ZFHX3: variants seen among roughly 807,000 people sequenced by gnomAD.
ZFHX3 encodes the protein zinc finger homeobox 3.
A neutral mutation model predicts 279.1 loss-of-function variants in ZFHX3; 42 were observed. The observed-to-expected ratio is 0.15, with a 90% CI of 0.12 to 0.19. The LOEUF (loss-of-function observed/expected upper bound fraction) is 0.19, where lower values mean the gene tolerates loss of function less well. ZFHX3 is among the 10% of genes least tolerant of loss of function. ZFHX3 has a pLI of 1.00. For synonymous variants in ZFHX3, 2,293 were observed against 1,957.8 expected (o/e 1.17, Z -4.52); for missense variants, 4,981 against 4,754.0 (o/e 1.05, Z -1.40).
intron 6 of ZFHX3, chr16:73,143,693 C>T (rs1966853388): frequency 4.9e-6 from 6 of 1,217,346 alleles, no homozygotes; most frequent in Admixed American, 2.3e-5. Context: ...TTTTTGACTG[C>T]GTTAACTCAC....
At chr16:72,962,744 G>A (rs980100447) in intron 1 of ZFHX3, among the ~76,000 whole-genome samples, 26 of 152,084 alleles carry the variant, frequency 1.7e-4, no homozygotes, top group African/African-American at 6.0e-4. Flanking sequence ...GACACTCTCT[G>A]CTTCACTCCA....
intron 1 of ZFHX3, among the ~76,000 whole-genome samples, chr16:73,837,656 C>G (rs892567690): frequency 1.1e-4 from 16 of 151,310 alleles, no homozygotes; most frequent in African/African-American, 3.6e-4. Flanking sequence ...TTTTCTTTTT[C>G]AGACGGAGTT....
intron 3 of ZFHX3, among the ~76,000 whole-genome samples, 160 bp downstream of exon 3, chr16:72,950,309 T>A (rs1417248614): frequency 6.6e-6 from 1 of 152,086 alleles, no homozygotes; most frequent in Non-Finnish European, 1.5e-5. Flanking sequence ...GGTGACAAAG[T>A]GGACACCGCC....
intron 1 of ZFHX3, among the ~76,000 whole-genome samples, chr16:73,797,533 A>C (rs903547886): frequency 1.9e-4 from 29 of 152,190 alleles, no homozygotes; most frequent in Non-Finnish European, 3.5e-4. Context: ...GGTCAGTGGA[A>C]ATTATAAATC....
chr16:73,281,645 A>G (rs1160054453), intron 4 of ZFHX3, among the ~76,000 whole-genome samples: 8 of 152,230 alleles, frequency 5.3e-5, no homozygotes, highest in East Asian at 1.9e-4. Flanking sequence ...CAACAGTCAT[A>G]ATAAAGGGCA....
chr16:73,309,140 G>A (rs181217945), intron 4 of ZFHX3, among the ~76,000 whole-genome samples: 79 of 152,244 alleles, frequency 5.2e-4, no homozygotes, highest in Admixed American at 1.1e-3. Flanking sequence ...GTAAACTTGT[G>A]TCATGGGGAT....
intron 3 of ZFHX3, among the ~76,000 whole-genome samples, chr16:73,347,080 G>T (rs936166623): frequency 1.1e-4 from 17 of 152,150 alleles, no homozygotes; most frequent in Non-Finnish European, 2.1e-4. Flanking sequence ...TTCAAATCTA[G>T]GTCTCTGTGA....
intron 2 of ZFHX3, among the ~76,000 whole-genome samples, chr16:73,582,259 C>T (rs72801449): frequency 0.048 from 7,337 of 151,722 alleles, 260 homozygotes; most frequent in Non-Finnish European, 0.076. Flanking sequence ...TCTACCATGG[C>T]GAAGTGGGAA....
intron 4 of ZFHX3, among the ~76,000 whole-genome samples, chr16:73,308,299 C>G: frequency 1.7e-5 from 2 of 119,950 alleles, no homozygotes; most frequent in Admixed American, 9.0e-5. Context: ...ATTTTTGAGA[C>G]AGAGTTTCAC....
At chr16:73,207,541 C>T (rs1193437187) in intron 5 of ZFHX3, among the ~76,000 whole-genome samples, 7 of 152,146 alleles carry the variant, frequency 4.6e-5, no homozygotes, top group Non-Finnish European at 1.0e-4. Context: ...CAGTTGGCTT[C>T]ACTCATTTAA....
chr16:73,468,554 G>A (rs552643896), intron 2 of ZFHX3, among the ~76,000 whole-genome samples: 2 of 152,150 alleles, frequency 1.3e-5, no homozygotes, highest in Non-Finnish European at 2.9e-5. Flanking sequence ...TGGCCAACAT[G>A]GCGAAACCCC....
chr16:72,800,867 A>G (rs2036078512), intron 7 of ZFHX3, among the ~76,000 whole-genome samples: 1 of 152,212 alleles, frequency 6.6e-6, no homozygotes, highest in African/African-American at 2.4e-5. Context: ...ACAACAGGGC[A>G]GCCCCACCTT....
chr16:73,432,028 G>A (rs1422709906), intron 3 of ZFHX3, among the ~76,000 whole-genome samples: 1 of 152,140 alleles, frequency 6.6e-6, no homozygotes, highest in Non-Finnish European at 1.5e-5. Context: ...GCTGAGTTCT[G>A]AGTTCCGAGG....
chr16:72,847,662 G>A (rs761141391), intron 4 of ZFHX3, among the ~76,000 whole-genome samples: 3 of 152,068 alleles, frequency 2.0e-5, no homozygotes, highest in Admixed American at 6.5e-5. Flanking sequence ...CCCCAGAGGA[G>A]TGAATTCCTT....
chr16:73,651,780 G>A (rs907620482), intron 2 of ZFHX3, among the ~76,000 whole-genome samples: 8 of 147,082 alleles, frequency 5.4e-5, no homozygotes, highest in Admixed American at 2.7e-4. Flanking sequence ...GCATGAACCC[G>A]GAAGGCAGAG....
rs1597134441 is a variant in ZFHX3 at position 73,048,097 on chromosome 16, C to G, written c.-395G>C. 6.6e-6 allele frequency: 1 copy of G among 152,570 alleles called. No homozygotes were observed. Among genetic ancestry groups the G allele is most frequent in the East Asian group, 1.9e-4 (1 of 5,178 alleles). The allele number at this position is 152,570 out of a possible 1,614,324, so 9.5% of individuals were successfully genotyped here. ...CCCGCCGCCGCCGCCTCCTCCTCTGCCGCCGCCCGCCCGGAATCGCTTTAT... is the reference window on the plus strand; with the variant it reads ...CCCGCCGCCGCCGCCTCCTCCTCTGGCGCCGCCCGCCCGGAATCGCTTTAT... On this transcript the variant is annotated 5_prime_UTR_variant, in exon 1 of 10. Coordinates refer to ENST00000268489, the MANE Select transcript of ZFHX3 (RefSeq NM_006885.4).
At chr16:73,736,903 C>G (rs1219366984) in intron 1 of ZFHX3, among the ~76,000 whole-genome samples, 3 of 152,176 alleles carry the variant, frequency 2.0e-5, no homozygotes, top group African/African-American at 4.8e-5. Flanking sequence ...TCAACATATG[C>G]TTTATTCATG....
intron 5 of ZFHX3, among the ~76,000 whole-genome samples, chr16:72,827,747 C>T (rs927934131): frequency 6.6e-6 from 1 of 152,216 alleles, no homozygotes; most frequent in Non-Finnish European, 1.5e-5. Flanking sequence ...CTCGGTCCTA[C>T]CTTACACATC....
intron 5 of ZFHX3, chr16:72,822,116 T>TAA (rs1461499051): frequency 6.6e-6 from 1 of 152,196 alleles, no homozygotes. Context: ...AACTTGGACT[T>TAA]AAAGGTACTT....
Sources: gnomAD v4.1 joint callset for allele counts (sites outside exome capture counted in the v4.1 genomes callset) on GRCh38, gnomAD v4.1.1 for gene constraint, MANE v1.5 for transcripts, NCBI Gene and HGNC (gene_info 2026-07-23, HGNC 2026-07-21) for gene names.